Variants in FARS2 observed in about 807,000 individuals in gnomAD.
FARS2 encodes phenylalanyl-tRNA synthetase 2, mitochondrial, also known as phenylalanine--tRNA ligase, mitochondrial.
In FARS2, 40 loss-of-function variants were observed where a neutral mutation model predicts 46.4. The ratio of observed to expected loss-of-function variants is 0.86; its 90% confidence interval spans 0.67 to 1.12. The LOEUF (loss-of-function observed/expected upper bound fraction) is 1.12. Ranked by LOEUF, FARS2 falls within the 50% of genes most tolerant of loss-of-function variation. FARS2 has a pLI of 0.00. For synonymous variants in FARS2, 234 were observed against 214.9 expected (o/e 1.09, Z -0.78); for missense variants, 513 against 567.9 (o/e 0.90, Z 0.98).
chr6:5,603,628 G>C (rs1029975987), intron 5 of FARS2, among the ~76,000 whole-genome samples: 1 of 152,224 alleles, frequency 6.6e-6, no homozygotes, highest in Non-Finnish European at 1.5e-5. Flanking sequence ...GCTTGCAGGA[G>C]CGTTATCCCA....
intron 1 of FARS2, among the ~76,000 whole-genome samples, chr6:5,323,451 T>A (rs1770127153): frequency 6.6e-6 from 1 of 152,226 alleles, no homozygotes; most frequent in Non-Finnish European, 1.5e-5. Flanking sequence ...TTTTGTATTA[T>A]GACTCGAGAG....
At chr6:5,562,726 ACAG>A (rs1561715137) in intron 5 of FARS2, among the ~76,000 whole-genome samples, 4,391 of 150,792 alleles carry the variant, frequency 0.029, 145 homozygotes, top group African/African-American at 0.084. Context: ...ACACACACAC[ACAG>A]TGTTTTTCAT....
At chr6:5,512,393 T>C (rs1768512783) in intron 4 of FARS2, among the ~76,000 whole-genome samples, 1 of 152,092 alleles carries the variant, frequency 6.6e-6, no homozygotes, top group Non-Finnish European at 1.5e-5. Flanking sequence ...GAAGGGCATG[T>C]CTTCTCCTTG....
chr6:5,750,431 G>C (rs752374513), intron 6 of FARS2, among the ~76,000 whole-genome samples: 1 of 152,142 alleles, frequency 6.6e-6, no homozygotes, highest in Non-Finnish European at 1.5e-5. Flanking sequence ...CAGTGGGCTG[G>C]ACAATGGAGA....
chr6:5,373,453 C>G lies in FARS2; in HGVS notation c.612+4271C>G, dbSNP rs184227627. Among the ~76,000 whole-genome samples the G allele has an allele frequency of 4.7e-3, 723 of 152,226 alleles. 8 individuals are homozygous for G. Among genetic ancestry groups the G allele is most frequent in the African/African-American group, 0.017 (686 of 41,558 alleles). ...AGTCTGATTAATTCTCTAGACCCAA[C>G]TACCATATGTGTAGGACATATTCAG... On this transcript the variant is annotated intron_variant, in intron 2 of 6. Transcript: ENST00000274680.
At chr6:5,444,382 G>A (rs547159056) in intron 4 of FARS2, among the ~76,000 whole-genome samples, 59 of 147,756 alleles carry the variant, frequency 4.0e-4, no homozygotes, top group Middle Eastern at 3.6e-3. Context: ...CAGGAGAATC[G>A]CTTGAATCCG....
At chr6:5,711,896 C>T (rs1398907045) in intron 6 of FARS2, among the ~76,000 whole-genome samples, 1 of 152,152 alleles carries the variant, frequency 6.6e-6, no homozygotes, top group African/African-American at 2.4e-5. Context: ...CTCCTTCTGA[C>T]TAACATACTC....
chr6:5,636,099 G>GT (rs915892025), intron 6 of FARS2, among the ~76,000 whole-genome samples: 29 of 148,660 alleles, frequency 2.0e-4, no homozygotes, highest in East Asian at 1.2e-3. Context: ...ATAGGGTTTT[G>GT]TTTTTTTTTT....
chr6:5,556,458 C>CGG (rs1299096828), intron 5 of FARS2, among the ~76,000 whole-genome samples: 3 of 151,826 alleles, frequency 2.0e-5, no homozygotes, highest in Non-Finnish European at 4.4e-5. Flanking sequence ...GCTTGCTTTG[C>CGG]CAACACTGAT....
the FARS2 span, among the ~76,000 whole-genome samples, chr6:5,252,213 T>C: frequency 6.6e-6 from 1 of 152,320 alleles, no homozygotes; most frequent in East Asian, 1.9e-4. Flanking sequence ...TGCAGGCTTA[T>C]TCACAGGATG....
intron 5 of FARS2, among the ~76,000 whole-genome samples, chr6:5,583,857 T>C (rs1045781201): frequency 1.3e-5 from 2 of 152,188 alleles, no homozygotes; most frequent in African/African-American, 4.8e-5. Flanking sequence ...CTATTCTCAC[T>C]GGGGAAGTCT....
chr6:5,691,068 G>T (rs1176451416), intron 6 of FARS2, among the ~76,000 whole-genome samples: 3 of 151,978 alleles, frequency 2.0e-5, no homozygotes, highest in Non-Finnish European at 2.9e-5. Context: ...CCCTGCATTG[G>T]TTATTCCAGT....
At chr6:5,310,182 A>G (rs529426087) in intron 1 of FARS2, among the ~76,000 whole-genome samples, 2 of 152,190 alleles carry the variant, frequency 1.3e-5, no homozygotes, top group East Asian at 3.8e-4. Flanking sequence ...TAAGGAAACA[A>G]GAGTAAACAA....
At chr6:5,720,163 C>T (rs1759796574) in intron 6 of FARS2, among the ~76,000 whole-genome samples, 1 of 151,464 alleles carries the variant, frequency 6.6e-6, no homozygotes, top group Non-Finnish European at 1.5e-5. Flanking sequence ...CCATTAAATA[C>T]ATTGCGAACT....
chr6:5,299,107 A>T (rs1326159733), intron 1 of FARS2, among the ~76,000 whole-genome samples: 1 of 152,234 alleles, frequency 6.6e-6, no homozygotes, highest in African/African-American at 2.4e-5. Context: ...GAAGATAAAG[A>T]GCAACTGTTT....
At chr6:5,665,835 C>T (rs543838995) in intron 6 of FARS2, among the ~76,000 whole-genome samples, 1 of 152,342 alleles carries the variant, frequency 6.6e-6, no homozygotes, top group South Asian at 2.1e-4. Flanking sequence ...AAGCCAGTTA[C>T]TACCAACTAC....
intron 1 of FARS2, among the ~76,000 whole-genome samples, chr6:5,309,402 A>G (rs1306464829): frequency 3.3e-5 from 5 of 152,116 alleles, no homozygotes; most frequent in Non-Finnish European, 4.4e-5. Flanking sequence ...TTGAACTTTT[A>G]TCTTTTAGAG....
intron 5 of FARS2, among the ~76,000 whole-genome samples, chr6:5,574,012 A>G (rs1409076397): frequency 6.6e-6 from 1 of 152,250 alleles, no homozygotes; most frequent in African/African-American, 2.4e-5. Flanking sequence ...GCCATACATT[A>G]AAGGCTGGCA....
chr6:5,683,463 C>G (rs866411645), intron 6 of FARS2, among the ~76,000 whole-genome samples: 4 of 152,086 alleles, frequency 2.6e-5, no homozygotes, highest in Non-Finnish European at 4.4e-5. Context: ...GCTCCTCACT[C>G]CCAGAATTCC....
Sources: gnomAD v4.1 joint callset for allele counts (sites outside exome capture counted in the v4.1 genomes callset) on GRCh38, gnomAD v4.1.1 for gene constraint, MANE v1.5 for transcripts, NCBI Gene and HGNC (gene_info 2026-07-23, HGNC 2026-07-21) for gene names.